DEPTOR: variants seen among roughly 807,000 people sequenced by gnomAD.
DEPTOR encodes DEP domain containing MTOR interacting protein, also known as DEP domain-containing mTOR-interacting protein.
Under a neutral mutation model 41.6 loss-of-function variants are expected in DEPTOR, and 41 were observed. The ratio of observed to expected loss-of-function variants is 0.98; its 90% confidence interval spans 0.77 to 1.28. The LOEUF is 1.28. Among genes scored for constraint, DEPTOR ranks in the 50% most tolerant of loss-of-function variants. The pLI is 0.00. For synonymous variants in DEPTOR, 195 were observed against 192.3 expected (o/e 1.01, Z -0.12); for missense variants, 514 against 527.9 (o/e 0.97, Z 0.26).
intron 3 of DEPTOR, among the ~76,000 whole-genome samples, chr8:119,962,066 A>C (rs1299334319): frequency 1.4e-5 from 2 of 139,252 alleles, no homozygotes; most frequent in African/African-American, 2.7e-5. Flanking sequence ...CATGGTGAAA[A>C]CCCATCTCTA....
chr8:120,034,756 A>G (rs756045538), intron 8 of DEPTOR, among the ~76,000 whole-genome samples: 1 of 152,122 alleles, frequency 6.6e-6, no homozygotes, highest in Non-Finnish European at 1.5e-5. Flanking sequence ...GGCTATGATT[A>G]GTAACTTTAA....
intron 8 of DEPTOR, among the ~76,000 whole-genome samples, chr8:120,020,709 T>C (rs960460158): frequency 1.3e-5 from 2 of 152,134 alleles, no homozygotes; most frequent in African/African-American, 4.8e-5. Context: ...CTTCACCACT[T>C]TTATAGGACA....
At chr8:119,900,826 C>T (rs1482494322) in intron 1 of DEPTOR, among the ~76,000 whole-genome samples, 1 of 152,072 alleles carries the variant, frequency 6.6e-6, no homozygotes, top group South Asian at 2.1e-4. Flanking sequence ...TGTATGAGCT[C>T]TAATACCCAA....
At chr8:120,047,187 A>G (rs953255356) in intron 8 of DEPTOR, among the ~76,000 whole-genome samples, 13 of 151,372 alleles carry the variant, frequency 8.6e-5, no homozygotes, top group Non-Finnish European at 1.9e-4. Flanking sequence ...ACACCTGGCT[A>G]ATTTTTGTAT....
chr8:119,943,732 C>T (rs888232788), intron 3 of DEPTOR, among the ~76,000 whole-genome samples: 2 of 152,172 alleles, frequency 1.3e-5, no homozygotes, highest in Admixed American at 6.5e-5. Context: ...CACCCCACCC[C>T]GTTCTGTCAG....
chr8:119,976,662 T>G (rs1167783572), intron 4 of DEPTOR, among the ~76,000 whole-genome samples: 6 of 152,196 alleles, frequency 3.9e-5, no homozygotes, highest in Non-Finnish European at 8.8e-5. Context: ...AACTAATCCC[T>G]TCCAGCCACC....
chr8:120,005,154 GC>G (rs1304125767), intron 6 of DEPTOR, among the ~76,000 whole-genome samples: 1 of 152,100 alleles, frequency 6.6e-6, no homozygotes, highest in Non-Finnish European at 1.5e-5. Flanking sequence ...AAATTCATAA[GC>G]CCCCTGAGGG....
chr8:119,948,295 C>G (rs562005803), intron 3 of DEPTOR, among the ~76,000 whole-genome samples: 1 of 152,262 alleles, frequency 6.6e-6, no homozygotes, highest in Non-Finnish European at 1.5e-5. Flanking sequence ...TGCCTGTAAT[C>G]CCGCTCCTTG....
At chr8:119,966,148 G>A (rs183630375) in intron 4 of DEPTOR, among the ~76,000 whole-genome samples, 5 of 152,044 alleles carry the variant, frequency 3.3e-5, no homozygotes, top group African/African-American at 7.2e-5. Context: ...TCTGACCTAC[G>A]TTGGTTAACT....
In DEPTOR at chr8:119,884,434, G is replaced by A. The variant is rs988413941; in HGVS notation, c.122+10466G>A. ...ATTCTGGAGGAATACTATGCGAGTC[G>A]TGAGTGGTGTCCGAAAGCAAAGAAG... On this transcript the variant is annotated intron_variant, in intron 1 of 8. Coordinates refer to ENST00000286234, the MANE Select transcript of DEPTOR (RefSeq NM_022783.4). Among the ~76,000 whole-genome samples the A allele has an allele frequency of 4.6e-5, 7 of 152,190 alleles. 1 individual carries two copies. The South Asian group carries it at 1.4e-3, about 31-fold the overall frequency.
chr8:119,901,024 C>T (rs1263169849), intron 1 of DEPTOR, among the ~76,000 whole-genome samples: 1 of 152,122 alleles, frequency 6.6e-6, no homozygotes, highest in Non-Finnish European at 1.5e-5. Flanking sequence ...TTTCATTCTC[C>T]TCTTTCCTTT....
intron 4 of DEPTOR, among the ~76,000 whole-genome samples, chr8:119,976,717 G>C (rs538877160): frequency 6.6e-6 from 1 of 152,198 alleles, no homozygotes; most frequent in South Asian, 2.1e-4. Flanking sequence ...TGCAGTTGCC[G>C]TCTCCAGATG....
At chr8:119,994,548 A>G (rs983651571) in intron 4 of DEPTOR, among the ~76,000 whole-genome samples, 3 of 152,154 alleles carry the variant, frequency 2.0e-5, no homozygotes, top group African/African-American at 7.2e-5. Context: ...CTTTAGCTGT[A>G]TATCTGGTTA....
intron 4 of DEPTOR, among the ~76,000 whole-genome samples, chr8:119,967,234 A>G (rs928847769): frequency 1.3e-5 from 2 of 151,506 alleles, no homozygotes; most frequent in African/African-American, 2.4e-5. Flanking sequence ...GTGCACCACA[A>G]CACCCAGATA....
intron 1 of DEPTOR, among the ~76,000 whole-genome samples, chr8:119,898,850 A>G (rs1425892109): frequency 6.6e-6 from 1 of 152,174 alleles, no homozygotes; most frequent in Non-Finnish European, 1.5e-5. Context: ...TTTGTTTTCT[A>G]GTTATTTTCC....
At chr8:119,874,130 T>A (rs7840728) in intron 1 of DEPTOR, 162 bp downstream of exon 1, 377,446 of 1,168,324 alleles carry the variant, frequency 0.32, 66,347 homozygotes, top group African/African-American at 0.56. Context: ...CGCGCTTAGC[T>A]GCTGCAGCCT....
intron 4 of DEPTOR, chr8:119,969,967 C>G (rs1404459616): frequency 6.6e-6 from 1 of 152,142 alleles, no homozygotes; most frequent in Non-Finnish European, 1.5e-5. Flanking sequence ...AAAAGTGGTT[C>G]CCTATTTTGA....
chr8:119,974,235 TAAAAAAAAAA>T (rs35885551), intron 4 of DEPTOR, among the ~76,000 whole-genome samples: 1,475 of 74,996 alleles, frequency 0.02, 22 homozygotes, highest in Non-Finnish European at 0.027. Context: ...CTTGTCTCTT[TAAAAAAAAAA>T]AAAAAAAAAA....
intron 3 of DEPTOR, among the ~76,000 whole-genome samples, chr8:119,935,057 C>G (rs1291310697): frequency 2.6e-5 from 4 of 152,132 alleles, no homozygotes; most frequent in African/African-American, 2.4e-5. Flanking sequence ...AGGAATTCAT[C>G]TAAGTACATT....
Sources: allele counts gnomAD v4.1 joint callset (sites outside exome capture counted in the v4.1 genomes callset), GRCh38; gene constraint gnomAD v4.1.1; transcripts MANE v1.5; gene names NCBI Gene and HGNC (gene_info 2026-07-23, HGNC 2026-07-21).